The following GRID1 variants were observed in gnomAD, a reference collection of about 807,000 sequenced individuals.
GRID1 encodes glutamate receptor ionotropic, delta-1.
Under a neutral mutation model 98.0 loss-of-function variants are expected in GRID1, and 28 were observed. The observed-to-expected ratio is 0.29, with a 90% CI of 0.21 to 0.39. The LOEUF is 0.39. Ranked by LOEUF, GRID1 falls within the 10% of genes least tolerant of loss-of-function variation. GRID1 has a pLI of 1.00. For missense variants in GRID1, 1,111 were observed against 1,340.5 expected (o/e 0.83, Z 2.67); for synonymous variants, 553 against 538.5 (o/e 1.03, Z -0.37).
At chr10:85,602,793 T>C in intron 15 of GRID1, 92 bp from the exon 16 acceptor site, 1 of 904,012 alleles carries the variant, frequency 1.1e-6, no homozygotes, top group Non-Finnish European at 1.7e-6. Flanking sequence ...TCACCAGGCC[T>C]GGTCAGCCTG....
intron 4 of GRID1, among the ~76,000 whole-genome samples, chr10:85,978,482 C>T (rs1842502790): frequency 6.6e-6 from 1 of 152,146 alleles, no homozygotes; most frequent in Non-Finnish European, 1.5e-5. Context: ...ATGGACTTGA[C>T]CTTCCCAGCA....
chr10:86,267,093 G>T (rs1184018197), intron 2 of GRID1, among the ~76,000 whole-genome samples: 1 of 152,182 alleles, frequency 6.6e-6, no homozygotes, highest in Non-Finnish European at 1.5e-5. Flanking sequence ...AAAGTGCTTG[G>T]CACACAGCAG....
chr10:86,085,451 G>A (rs1158134497), intron 4 of GRID1, among the ~76,000 whole-genome samples: 1 of 152,202 alleles, frequency 6.6e-6, no homozygotes, highest in Admixed American at 6.5e-5. Flanking sequence ...GAAAGGTCGA[G>A]AGAGCACAGC....
chr10:86,160,169 G>C (rs1177688213), intron 3 of GRID1, among the ~76,000 whole-genome samples: 1 of 152,098 alleles, frequency 6.6e-6, no homozygotes, highest in Admixed American at 6.5e-5. Context: ...CTACACAAAG[G>C]AGCCACCCAT....
At chr10:86,220,602 G>A (rs1292286283) in intron 2 of GRID1, among the ~76,000 whole-genome samples, 1 of 152,192 alleles carries the variant, frequency 6.6e-6, no homozygotes, top group Non-Finnish European at 1.5e-5. Flanking sequence ...GCCTGGGCAT[G>A]TCCAAGGCCA....
At chr10:85,696,447 T>G (rs949661956) in intron 12 of GRID1, among the ~76,000 whole-genome samples, 4 of 151,984 alleles carry the variant, frequency 2.6e-5, no homozygotes, top group South Asian at 4.1e-4. Context: ...CTAACTTACA[T>G]GAAGAAGAGC....
At chr10:85,613,082 G>C in intron 15 of GRID1, 1 of 340,652 alleles carries the variant, frequency 2.9e-6, no homozygotes, top group Non-Finnish European at 5.4e-6. Flanking sequence ...CCAGGTCAGG[G>C]TGGAGGCACA....
chr10:85,897,429 G>A (rs1166692778), intron 5 of GRID1, among the ~76,000 whole-genome samples: 3 of 152,214 alleles, frequency 2.0e-5, no homozygotes, highest in Non-Finnish European at 4.4e-5. Flanking sequence ...GGGAAGATGG[G>A]GAGGGAACCA....
At chr10:85,953,314 C>T (rs1167423874) in intron 4 of GRID1, among the ~76,000 whole-genome samples, 1 of 151,928 alleles carries the variant, frequency 6.6e-6, no homozygotes, top group South Asian at 2.1e-4. Context: ...TAAGTGGGAG[C>T]TAAATAATGA....
intron 12 of GRID1, among the ~76,000 whole-genome samples, chr10:85,717,007 G>A (rs1336204633): frequency 6.6e-6 from 1 of 152,128 alleles, no homozygotes; most frequent in East Asian, 1.9e-4. Flanking sequence ...CAGAATTTCA[G>A]TTAGGTATGA....
At chr10:85,804,487 GAA>G (rs1276601910) in intron 8 of GRID1, among the ~76,000 whole-genome samples, 5 of 151,716 alleles carry the variant, frequency 3.3e-5, no homozygotes, top group African/African-American at 9.7e-5. Flanking sequence ...CAGAACAGGG[GAA>G]AGGGTACTTC....
chr10:85,722,879 C>G, intron 12 of GRID1, 124 bp downstream of exon 12: 1 of 613,002 alleles, frequency 1.6e-6, no homozygotes. Context: ...ACTAAAGATT[C>G]CAGGAGACCA....
intron 13 of GRID1, among the ~76,000 whole-genome samples, chr10:85,641,289 G>A (rs1843113883): frequency 6.6e-6 from 1 of 152,162 alleles, no homozygotes; most frequent in Non-Finnish European, 1.5e-5. Context: ...CATTTGCCAG[G>A]CCAATTCTGC....
chr10:86,212,773 T>C (rs1472006422), intron 2 of GRID1, among the ~76,000 whole-genome samples: 1 of 152,242 alleles, frequency 6.6e-6, no homozygotes, highest in Non-Finnish European at 1.5e-5. Flanking sequence ...CATTTATAAA[T>C]ACTTTAGAGC....
chr10:85,765,095 CA>C (rs1431485833), intron 8 of GRID1, among the ~76,000 whole-genome samples: 2 of 152,140 alleles, frequency 1.3e-5, no homozygotes, highest in African/African-American at 4.8e-5. Flanking sequence ...ATCCTCAAAA[CA>C]ACCCCATAAT....
chr10:86,131,293 T>C (rs1480628869), intron 4 of GRID1, among the ~76,000 whole-genome samples: 3 of 152,072 alleles, frequency 2.0e-5, no homozygotes, highest in Non-Finnish European at 4.4e-5. Context: ...CCCCCAAGGC[T>C]GAACACCCTT....
intron 2 of GRID1, among the ~76,000 whole-genome samples, chr10:86,325,270 T>C (rs1848032667): frequency 6.6e-6 from 1 of 152,240 alleles, no homozygotes; most frequent in Non-Finnish European, 1.5e-5. Flanking sequence ...ACTAATATCA[T>C]CCTTACACAC....
intron 3 of GRID1, among the ~76,000 whole-genome samples, chr10:86,175,870 T>C (rs2131996870): frequency 6.6e-6 from 1 of 152,330 alleles, no homozygotes; most frequent in South Asian, 2.1e-4. Flanking sequence ...CCACCATGCC[T>C]GGCTAATTTT....
chr10:85,653,325 G>T (rs992954038), intron 12 of GRID1, among the ~76,000 whole-genome samples: 1 of 152,218 alleles, frequency 6.6e-6, no homozygotes, highest in Non-Finnish European at 1.5e-5. Flanking sequence ...AGCCAGGGTG[G>T]ATTTTGAGCC....
Sources: gnomAD v4.1 joint callset for allele counts (sites outside exome capture counted in the v4.1 genomes callset) on GRCh38, gnomAD v4.1.1 for gene constraint, MANE v1.5 for transcripts, NCBI Gene and HGNC (gene_info 2026-07-23, HGNC 2026-07-21) for gene names.